Variants in AFAP1 observed in about 807,000 individuals in gnomAD.
AFAP1 encodes the protein actin filament associated protein 1.
Under a neutral mutation model 93.9 loss-of-function variants are expected in AFAP1, and 75 were observed. That is an observed-to-expected ratio of 0.80 (90% confidence interval 0.66 to 0.97). The LOEUF (loss-of-function observed/expected upper bound fraction) is 0.97. Among genes scored for constraint, AFAP1 ranks in the 50% least tolerant of loss-of-function variants. The pLI is 0.00. For synonymous variants in AFAP1, 517 were observed against 430.7 expected (o/e 1.20, Z -2.48); for missense variants, 1,201 against 1,050.8 (o/e 1.14, Z -1.98).
At chr4:7,813,460 A>G (rs894916029) in intron 8 of AFAP1, among the ~76,000 whole-genome samples, 1 of 152,232 alleles carries the variant, frequency 6.6e-6, no homozygotes, top group African/African-American at 2.4e-5. Context: ...AAATACAGAT[A>G]TATTTGCTTA....
chr4:7,803,828 T>A (rs1315804948), intron 9 of AFAP1, among the ~76,000 whole-genome samples: 1 of 152,236 alleles, frequency 6.6e-6, no homozygotes, highest in African/African-American at 2.4e-5. Flanking sequence ...GAACATGATT[T>A]TATATGCAAT....
intron 1 of AFAP1, among the ~76,000 whole-genome samples, chr4:7,917,309 G>A (rs181544907): frequency 1.5e-3 from 222 of 152,158 alleles, no homozygotes; most frequent in South Asian, 8.9e-3. Context: ...GTGGGGGTAG[G>A]GGGACTCAAT....
chr4:7,787,375 T>C (rs1287110587), intron 11 of AFAP1, among the ~76,000 whole-genome samples: 1 of 152,238 alleles, frequency 6.6e-6, no homozygotes, highest in Non-Finnish European at 1.5e-5. Flanking sequence ...TCCTGAGTTC[T>C]GTGAGCGTTC....
At chr4:7,928,412 G>A (rs181083907) in intron 1 of AFAP1, among the ~76,000 whole-genome samples, 2 of 152,076 alleles carry the variant, frequency 1.3e-5, no homozygotes, top group East Asian at 3.9e-4. Flanking sequence ...TTTTGAGACA[G>A]TCTCTCTCTC....
In AFAP1 at chr4:7,819,217, T is replaced by C. The variant is rs745336237; in HGVS notation, c.727-46A>G. ...TTGTGAGTATGCCCAAAGGCAGAGA[T>C]ACTTAAAGGCTTGAACTGTGAGTTG... On this transcript the variant is annotated intron_variant, in intron 6 of 17. Coordinates refer to ENST00000420658, the MANE Select transcript of AFAP1 (RefSeq NM_001134647.2). The C allele has an allele frequency of 3.3e-6, 5 of 1,532,864 alleles. No individual in the cohort carries two copies. The East Asian group carries it at 1.1e-4, about 35-fold the overall frequency. The allele number at this position is 1,532,864 out of a possible 1,614,324, so 95.0% of individuals were successfully genotyped here.
intron 8 of AFAP1, among the ~76,000 whole-genome samples, chr4:7,810,678 T>A (rs1262871834): frequency 1.3e-5 from 2 of 152,222 alleles, no homozygotes; most frequent in Admixed American, 1.3e-4. Context: ...CTCATACACA[T>A]TGTGCATAAA....
In AFAP1 at chr4:7,769,151, G is replaced by A. The variant is rs1056686346; in HGVS notation, c.2254-143C>T. ...GCAGTAGCAGCAAGGACTGCCACGT[G>A]GTCAGTGCCTCACCCCCAGAGCGTC... On this transcript the variant is annotated intron_variant, in intron 16 of 17. Coordinates refer to ENST00000420658, the MANE Select transcript of AFAP1 (RefSeq NM_001134647.2). 4.5e-6 allele frequency: 5 copies of A among 1,117,956 alleles called. No homozygotes were observed. The East Asian group carries it at 1.4e-4, about 30-fold the overall frequency. 69.3% of individuals were successfully genotyped at this position (1,117,956 alleles called of 1,614,324 possible).
intron 14 of AFAP1, chr4:7,778,059 C>T (rs1716333419): frequency 6.5e-6 from 1 of 153,358 alleles, no homozygotes; most frequent in Non-Finnish European, 1.5e-5. Flanking sequence ...TCTGCCCAAT[C>T]TATTTCCGGC....
chr4:7,867,141 G>C (rs1236469624), intron 3 of AFAP1, among the ~76,000 whole-genome samples: 112 of 131,486 alleles, frequency 8.5e-4, no homozygotes, highest in Middle Eastern at 4.3e-3. Context: ...CGGAGGGGAG[G>C]GGAGGGGAGG....
At chr4:7,831,004 T>A (rs963057940) in intron 6 of AFAP1, among the ~76,000 whole-genome samples, 35 of 152,326 alleles carry the variant, frequency 2.3e-4, no homozygotes, top group African/African-American at 8.4e-4. Flanking sequence ...CAATTCTATC[T>A]GTAGCATTTT....
intron 1 of AFAP1, among the ~76,000 whole-genome samples, chr4:7,889,244 A>G (rs1156861051): frequency 6.6e-6 from 1 of 152,192 alleles, no homozygotes; most frequent in Non-Finnish European, 1.5e-5. Context: ...AAAATGAGGA[A>G]TACAGGGGGG....
chr4:7,836,236 G>A (rs1304295749), intron 6 of AFAP1, among the ~76,000 whole-genome samples: 1 of 152,218 alleles, frequency 6.6e-6, no homozygotes, highest in Non-Finnish European at 1.5e-5. Flanking sequence ...AAGCAATAAA[G>A]AGCAAGGAAG....
At chr4:7,926,139 G>A (rs551063720) in intron 1 of AFAP1, among the ~76,000 whole-genome samples, 2 of 152,284 alleles carry the variant, frequency 1.3e-5, no homozygotes, top group African/African-American at 2.4e-5. Flanking sequence ...CTGACTTACC[G>A]GGGTCACCCA....
intron 4 of AFAP1, among the ~76,000 whole-genome samples, chr4:7,846,918 C>T (rs944683046): frequency 6.6e-6 from 1 of 152,178 alleles, no homozygotes; most frequent in African/African-American, 2.4e-5. Flanking sequence ...AACATGAACC[C>T]GTGCCTTTGT....
At chr4:7,828,976 G>C (rs149529099) in intron 6 of AFAP1, among the ~76,000 whole-genome samples, 1 of 152,178 alleles carries the variant, frequency 6.6e-6, no homozygotes, top group African/African-American at 2.4e-5. Flanking sequence ...TCATGGGGGC[G>C]GTTACCTTCA....
intron 1 of AFAP1, among the ~76,000 whole-genome samples, chr4:7,910,968 C>G (rs1008533538): frequency 6.6e-6 from 1 of 152,204 alleles, no homozygotes; most frequent in Non-Finnish European, 1.5e-5. Context: ...TCTTCTTCCT[C>G]TCACTTTTTT....
At chr4:7,848,266 G>A (rs920193931) in intron 4 of AFAP1, among the ~76,000 whole-genome samples, 1 of 149,964 alleles carries the variant, frequency 6.7e-6, no homozygotes, top group Admixed American at 6.7e-5. Flanking sequence ...AAGGAAGGGA[G>A]GTGATTTATT....
At chr4:7,804,174 G>T (rs557322835) in intron 9 of AFAP1, among the ~76,000 whole-genome samples, 1 of 152,280 alleles carries the variant, frequency 6.6e-6, no homozygotes, top group East Asian at 1.9e-4. Flanking sequence ...TCCAGGAAAG[G>T]TTACGCTGGA....
chr4:7,800,648 G>A lies in AFAP1; in HGVS notation c.1060C>T (p.Leu354=), dbSNP rs776875056. Residue 354 remains leucine, a synonymous_variant, in exon 10 of 18, where the codon CTG becomes TTG. Coordinates refer to ENST00000420658, the MANE Select transcript of AFAP1 (RefSeq NM_001134647.2). ...CAGCGGCTGTTGGAGAGCACGTTCA[G>A]ATAGCCTGCGGAGACACAAGGCCAC... ...AEEDVPTCGY[L]NVLSNSRWRE... is the part of the protein sequence containing the mutation. 6.2e-6 allele frequency: 10 copies of A among 1,614,178 alleles called. No individual in the cohort carries two copies. The highest frequency in any genetic ancestry group is 5.0e-5 in the Admixed American group (3 of 60,024).
Sources: gnomAD v4.1 joint callset for allele counts (sites outside exome capture counted in the v4.1 genomes callset) on GRCh38, gnomAD v4.1.1 for gene constraint, MANE v1.5 for transcripts, NCBI Gene and HGNC (gene_info 2026-07-23, HGNC 2026-07-21) for gene names.